Variants in CDH4 observed in about 807,000 individuals in gnomAD.
The protein encoded by CDH4 is cadherin 4.
Under a neutral mutation model 86.0 loss-of-function variants are expected in CDH4, and 33 were observed. That is an observed-to-expected ratio of 0.38 (90% confidence interval 0.29 to 0.51). The LOEUF is 0.51. Ranked by LOEUF, CDH4 falls within the 20% of genes least tolerant of loss-of-function variation. CDH4 has a pLI of 0.86. For missense variants in CDH4, 1,114 were observed against 1,307.4 expected, an observed-to-expected ratio of 0.85 and a Z score of 2.28; for synonymous variants, 555 against 549.4, an observed-to-expected ratio of 1.01 and a Z score of -0.14.
chr20:61,933,019 G>A lies in CDH4; in HGVS notation c.2274G>A (p.Arg758=), dbSNP rs772628832. Residue 758 remains arginine (R), a synonymous_variant, in exon 14 of 16, where the codon CGG becomes CGA. Transcript: ENST00000614565. ...TGCTGTTTGTCATGTGGATGAAGCGGCGAGAGAAGGAGCGCCACACGAAGC... is the reference window on the plus strand; with the variant it reads ...TGCTGTTTGTCATGTGGATGAAGCGACGAGAGAAGGAGCGCCACACGAAGC... ...MVLLFVMWMK[R]REKERHTKQL... 9.3e-6 allele frequency: 15 copies of A among 1,613,324 alleles called. No individual in the cohort carries two copies. The highest frequency in any genetic ancestry group is 1.3e-5 in the Non-Finnish European group (15 of 1,180,002).
intron 9 of CDH4, among the ~76,000 whole-genome samples, chr20:61,921,288 A>G (rs1413189369): frequency 1.3e-5 from 2 of 151,992 alleles, no homozygotes; most frequent in Middle Eastern, 3.4e-3. Flanking sequence ...CAGTGATTGC[A>G]TGGAAGCGTG....
At chr20:61,872,414 G>A (rs1439584873) in intron 6 of CDH4, among the ~76,000 whole-genome samples, 4 of 152,186 alleles carry the variant, frequency 2.6e-5, no homozygotes, top group Non-Finnish European at 5.9e-5. Flanking sequence ...AGAACAGATT[G>A]TGCAAGATCC....
Position 61,807,821 on chromosome 20 carries a change from T to C in CDH4, c.576+34639T>C, listed in dbSNP as rs1229624431. 6.6e-6 allele frequency among the ~76,000 whole-genome samples: 1 copy of C among 152,146 alleles called. No individual in the cohort carries two copies. The highest frequency in any genetic ancestry group is 1.9e-4 in the East Asian group (1 of 5,168). ...ATAGGACGTCTCTGCACACAGCACA[T>C]ATCCATGCAGGATGGTCAGTACTGT... is the stretch of plus-strand genomic sequence containing the variant. On this transcript the variant is annotated intron_variant, in intron 4 of 15. Coordinates refer to ENST00000614565, the MANE Select transcript of CDH4 (RefSeq NM_001794.5). The surrounding 1 kb of genome is among the most constrained non-coding windows in gnomAD (Gnocchi z 4.5).
At chr20:61,763,253 G>A (rs1027861196) in intron 3 of CDH4, among the ~76,000 whole-genome samples, 1 of 151,902 alleles carries the variant, frequency 6.6e-6, no homozygotes, top group African/African-American at 2.4e-5. Context: ...GACAAGGGAT[G>A]CTCGCTCTTC....
At chr20:61,526,483 T>G (rs543888500) in intron 2 of CDH4, among the ~76,000 whole-genome samples, 1 of 152,074 alleles carries the variant, frequency 6.6e-6, no homozygotes, top group Admixed American at 6.5e-5. Context: ...TGGCTTGTTT[T>G]TTTTTCTTTC....
intron 6 of CDH4, among the ~76,000 whole-genome samples, chr20:61,868,278 C>T (rs142155797): frequency 5.0e-4 from 76 of 152,248 alleles, no homozygotes; most frequent in South Asian, 1.0e-3. Flanking sequence ...TACAGAGACG[C>T]GGGAATGCTG....
At chr20:61,888,900 G>A (rs113715706) in intron 7 of CDH4, among the ~76,000 whole-genome samples, 8 of 152,308 alleles carry the variant, frequency 5.3e-5, no homozygotes, top group African/African-American at 9.6e-5. Context: ...CTTCCCCTCC[G>A]TAAATGGTAA....
chr20:61,420,949 C>A (rs1311366271), intron 2 of CDH4, among the ~76,000 whole-genome samples: 1 of 152,084 alleles, frequency 6.6e-6, no homozygotes, highest in Non-Finnish European at 1.5e-5. Flanking sequence ...AGTGCACTGG[C>A]AAACAGAGTG....
rs566048006 is a variant in CDH4 at position 61,634,666 on chromosome 20, T to C, written c.170-108897T>C. Among the ~76,000 whole-genome samples, 99 of 152,370 alleles carry C rather than the reference T, an allele frequency of 6.5e-4. No homozygotes were observed. The Middle Eastern group carries it at 0.01, about 16-fold the overall frequency. On this transcript the variant is annotated intron_variant, in intron 2 of 15. Coordinates refer to ENST00000614565, the MANE Select transcript of CDH4 (RefSeq NM_001794.5). ...GAGCTTTTTTCCCACTGTGGTAAAC[T>C]ACACTTAACATAAGCGTTCGTTTTA...
intron 4 of CDH4, among the ~76,000 whole-genome samples, chr20:61,836,331 G>T (rs1981877888): frequency 6.6e-6 from 1 of 152,350 alleles, no homozygotes; most frequent in South Asian, 2.1e-4. Context: ...GGTGCACACT[G>T]AAGGGCATTT....
intron 2 of CDH4, among the ~76,000 whole-genome samples, chr20:61,665,074 C>A (rs929461811): frequency 6.6e-6 from 1 of 152,228 alleles, no homozygotes; most frequent in Non-Finnish European, 1.5e-5. Context: ...GTCGCTGGCA[C>A]GGGTGGCTCC....
intron 2 of CDH4, chr20:61,738,242 C>T (rs1409066539): frequency 1.3e-5 from 2 of 152,224 alleles, no homozygotes; most frequent in South Asian, 2.1e-4. Context: ...CTGGACCCTT[C>T]TGTCTCTTGT....
At chr20:61,721,252 G>C (rs756296407) in intron 2 of CDH4, among the ~76,000 whole-genome samples, 1 of 152,198 alleles carries the variant, frequency 6.6e-6, no homozygotes, top group East Asian at 1.9e-4. Flanking sequence ...GGAAAGCCCA[G>C]AGCTTTCTTT....
chr20:61,328,748 C>T (rs1432633839), intron 2 of CDH4, among the ~76,000 whole-genome samples: 2 of 152,060 alleles, frequency 1.3e-5, no homozygotes, highest in South Asian at 2.1e-4. Context: ...ATTGTGCCAC[C>T]GCACTCCAGC....
intron 2 of CDH4, among the ~76,000 whole-genome samples, chr20:61,461,211 A>T (rs576941163): frequency 6.6e-6 from 1 of 152,268 alleles, no homozygotes; most frequent in South Asian, 2.1e-4. Context: ...AAAAATGCAA[A>T]ATCCCTAAGT....
intron 2 of CDH4, among the ~76,000 whole-genome samples, chr20:61,742,873 G>A (rs1057038793): frequency 3.3e-5 from 5 of 152,164 alleles, no homozygotes; most frequent in Non-Finnish European, 5.9e-5. Context: ...AGCACCCAGC[G>A]GTATCAATAG....
At chr20:61,649,243 G>A (rs963491700) in intron 2 of CDH4, among the ~76,000 whole-genome samples, 9 of 152,206 alleles carry the variant, frequency 5.9e-5, no homozygotes, top group Non-Finnish European at 2.9e-5. Flanking sequence ...CCCCGAGCAC[G>A]CACGCTCACC....
At chr20:61,894,773 C>T (rs1240799321) in intron 7 of CDH4, 137 bp from the exon 8 acceptor site, 1 of 932,488 alleles carries the variant, frequency 1.1e-6, no homozygotes, top group Non-Finnish European at 1.6e-6. Flanking sequence ...GGCCCTGCGC[C>T]CAGCACACAG....
intron 2 of CDH4, among the ~76,000 whole-genome samples, chr20:61,666,437 T>G (rs1219168087): frequency 6.6e-6 from 1 of 152,230 alleles, no homozygotes; most frequent in Non-Finnish European, 1.5e-5. Context: ...CCAATCCCAC[T>G]GGCAGTGCAC....
Sources: allele counts gnomAD v4.1 joint callset (sites outside exome capture counted in the v4.1 genomes callset), GRCh38; gene constraint gnomAD v4.1.1; non-coding constraint Gnocchi (gnomAD v3.1); transcripts MANE v1.5; gene names NCBI Gene and HGNC (gene_info 2026-07-23, HGNC 2026-07-21).